The following DYNC2H1 variants were observed in gnomAD, a reference collection of about 807,000 sequenced individuals.
The protein encoded by DYNC2H1 is cytoplasmic dynein 2 heavy chain 1.
DYNC2H1 carries 410 observed loss-of-function variants against 570.0 expected under a neutral mutation model. That is an observed-to-expected ratio of 0.72 (90% CI 0.66 to 0.78). The LOEUF (loss-of-function observed/expected upper bound fraction) is 0.78, where lower values mean the gene tolerates loss of function less well. Ranked by LOEUF, DYNC2H1 falls within the 30% of genes least tolerant of loss-of-function variation. The pLI is 0.00. For synonymous variants in DYNC2H1, 1,688 were observed against 1,677.6 expected (o/e 1.01, Z -0.15); for missense variants, 4,865 against 5,046.4 (o/e 0.96, Z 1.09).
intron 79 of DYNC2H1, among the ~76,000 whole-genome samples, chr11:103,314,870 C>A (rs1937728272): frequency 6.6e-6 from 1 of 151,906 alleles, no homozygotes; most frequent in Non-Finnish European, 1.5e-5. Context: ...AAATACTGAT[C>A]TTCAAGGTAT....
intron 65 of DYNC2H1, among the ~76,000 whole-genome samples, chr11:103,251,195 G>A (rs1432391586): frequency 6.6e-6 from 1 of 151,916 alleles, no homozygotes; most frequent in Non-Finnish European, 1.5e-5. Flanking sequence ...TATTTTGAAA[G>A]CTATGTTATT....
Position 103,200,039 on chromosome 11 carries a change from T to C in DYNC2H1, c.8089-7T>C. The C allele has an allele frequency of 6.4e-7, 1 of 1,564,948 alleles. No individual in the cohort carries two copies. Among genetic ancestry groups the C allele is most frequent in the Non-Finnish European group, 8.7e-7 (1 of 1,151,790 alleles). On this transcript the variant is annotated splice_polypyrimidine_tract_variant and splice_region_variant and intron_variant, in intron 49 of 88. Transcript: ENST00000375735. ...AGGGCACTAAAAAATATTTTCTGAT[T>C]TTGCAGGTGCTGCAACTTGCAGGAA... is the stretch of plus-strand genomic sequence containing the variant.
intron 13 of DYNC2H1, among the ~76,000 whole-genome samples, chr11:103,131,652 T>C (rs1218366077): frequency 6.6e-6 from 1 of 152,204 alleles, no homozygotes; most frequent in Non-Finnish European, 1.5e-5. Flanking sequence ...TGTCTGATAA[T>C]GTTTTCTTGT....
rs1864511927 is a variant in DYNC2H1 at position 103,243,862 on chromosome 11, A to G, written c.9918+71A>G. 3.2e-6 allele frequency: 4 copies of G among 1,241,240 alleles called. No individual in the cohort carries two copies. In the East Asian group the frequency reaches 1.0e-4, roughly 32 times the overall value. The allele number at this position is 1,241,240 out of a possible 1,614,324, so 76.9% of individuals were successfully genotyped here. On this transcript the variant is annotated intron_variant, in intron 64 of 88. Transcript: ENST00000375735. The surrounding 1 kb of genome is among the most constrained non-coding windows in gnomAD (Gnocchi z 4.8). ...ATAGTGAAAAGATCTTGGAGTCTAT[A>G]ATCAGAAAACATAGATTCAACACTG...
intron 68 of DYNC2H1, among the ~76,000 whole-genome samples, chr11:103,257,235 A>G (rs905271572): frequency 1.3e-5 from 2 of 152,146 alleles, no homozygotes; most frequent in African/African-American, 4.8e-5. Context: ...TCTGTGAACC[A>G]GGAAACAAGC....
In DYNC2H1 at chr11:103,181,988, G is replaced by A; in HGVS notation, c.6477+102G>A. The A allele has an allele frequency of 2.3e-6, 3 of 1,324,948 alleles. No individual in the cohort carries two copies. The highest frequency in any genetic ancestry group is 2.1e-6 in the Non-Finnish European group (2 of 971,994). 82.1% of individuals were successfully genotyped at this position (1,324,948 alleles called of 1,614,324 possible). On this transcript the variant is annotated intron_variant, in intron 40 of 88. Coordinates refer to ENST00000375735, the MANE Select transcript of DYNC2H1 (RefSeq NM_001377.3). The surrounding 1 kb of genome is among the most constrained non-coding windows in gnomAD (Gnocchi z 5.0). ...GTGGTAGAACTCTGCTGGAATGTGG[G>A]TGTGAGGTGAGAGGTGGATTTTGTC...
chr11:103,385,782 C>T (rs1287488477), intron 83 of DYNC2H1, among the ~76,000 whole-genome samples: 4 of 152,172 alleles, frequency 2.6e-5, no homozygotes, highest in Non-Finnish European at 5.9e-5. Flanking sequence ...ATTTCCTAGA[C>T]ATCCCCTTTC....
chr11:103,343,631 G>A (rs926167633), intron 82 of DYNC2H1, among the ~76,000 whole-genome samples: 2 of 152,116 alleles, frequency 1.3e-5, no homozygotes, highest in Non-Finnish European at 2.9e-5. Flanking sequence ...CGAGAAGTGA[G>A]GACAAAAGGC....
chr11:103,333,021 C>T (rs1490087742), intron 82 of DYNC2H1, among the ~76,000 whole-genome samples: 1 of 138,012 alleles, frequency 7.2e-6, no homozygotes, highest in East Asian at 2.2e-4. Context: ...AAAAATCTTT[C>T]TTAAATAAAA....
At chr11:103,182,973 G>A (rs1046509109) in intron 40 of DYNC2H1, among the ~76,000 whole-genome samples, 3 of 151,872 alleles carry the variant, frequency 2.0e-5, no homozygotes, top group Non-Finnish European at 4.4e-5. Context: ...GCCTAGGAAA[G>A]GGAACACTCC....
At chr11:103,353,766 A>T (rs1338382644) in intron 82 of DYNC2H1, among the ~76,000 whole-genome samples, 1 of 152,158 alleles carries the variant, frequency 6.6e-6, no homozygotes, top group South Asian at 2.1e-4. Context: ...CATATGTTTA[A>T]CTATTAACAT....
intron 55 of DYNC2H1, among the ~76,000 whole-genome samples, chr11:103,216,340 G>A (rs1445210202): frequency 2.0e-5 from 3 of 152,154 alleles, no homozygotes; most frequent in Non-Finnish European, 1.5e-5. Context: ...TTTCAAGGGA[G>A]ATTTCTCTGA....
chr11:103,291,748 TATAG>T (rs1361394777), intron 75 of DYNC2H1, among the ~76,000 whole-genome samples: 1 of 152,220 alleles, frequency 6.6e-6, no homozygotes, highest in Admixed American at 6.5e-5. Flanking sequence ...GTGTTGGGTG[TATAG>T]ATACTTAGAA....
rs933325849 is a variant in DYNC2H1 at position 103,191,498 on chromosome 11, A to G, written c.7438-19A>G. ...ATTTAAGGCAGTAGAAAGATTGTTT[A>G]CTGTATTTTCTTTTTCAGGTGCGAG... On this transcript the variant is annotated intron_variant, in intron 45 of 88. Transcript: ENST00000375735. The G allele has an allele frequency of 3.2e-6, 5 of 1,546,780 alleles. No individual in the cohort carries two copies. Among genetic ancestry groups the G allele is most frequent in the Middle Eastern group, 1.7e-4 (1 of 5,922 alleles).
Position 103,465,529 on chromosome 11 carries a change from A to T in DYNC2H1, c.12649-3060A>T, listed in dbSNP as rs1945170610. ...AAACTAGCTCAAAACTTAGTGGCTTAGAATACCAATTTATTATTTTCTCAC... is the reference window on the plus strand; with the variant it reads ...AAACTAGCTCAAAACTTAGTGGCTTTGAATACCAATTTATTATTTTCTCAC... On this transcript the variant is annotated intron_variant, in intron 87 of 88. Transcript: ENST00000375735. The surrounding 1 kb of genome is among the most constrained non-coding windows in gnomAD (Gnocchi z 4.9). 6.6e-6 allele frequency among the ~76,000 whole-genome samples: 1 copy of T among 152,058 alleles called. No homozygotes were observed. Among genetic ancestry groups the T allele is most frequent in the Non-Finnish European group, 1.5e-5 (1 of 68,010 alleles).
At chr11:103,134,188 G>A (rs915610169) in intron 14 of DYNC2H1, 133 bp from the exon 15 acceptor site, 6 of 682,072 alleles carry the variant, frequency 8.8e-6, no homozygotes, top group Admixed American at 5.4e-5. Flanking sequence ...CATTGGTCAA[G>A]TATTGATATG....
rs768421060 is a variant in DYNC2H1, at chr11:103,435,978, A to G, written c.12402A>G (p.Pro4134=). The G allele has an allele frequency of 6.2e-7, 1 of 1,612,730 alleles. No homozygotes were observed. Among genetic ancestry groups the G allele is most frequent in the South Asian group, 1.1e-5 (1 of 91,050 alleles). Residue 4134 remains proline (P), a synonymous_variant, in exon 85 of 89, where the codon CCA becomes CCG. Coordinates refer to ENST00000375735, the MANE Select transcript of DYNC2H1 (RefSeq NM_001377.3). ...PLAWQSKWEG[P]EDPLQYLRGL... ...CATGGCAGAGCAAGTGGGAAGGCCC[A>G]GAAGATCCCTTACAATACCTGAGAG... is the stretch of plus-strand genomic sequence containing the variant.
Position 103,148,478 on chromosome 11 carries a change from G to C in DYNC2H1, c.2819-12G>C, listed in dbSNP as rs1269031606. ...TAATTAACATTTCTTGTATTTCAAT[G>C]TTACCACTCAGCTCATTTACATGAA... On this transcript the variant is annotated splice_polypyrimidine_tract_variant and intron_variant, in intron 19 of 88. Coordinates refer to ENST00000375735, the MANE Select transcript of DYNC2H1 (RefSeq NM_001377.3). The C allele has an allele frequency of 6.4e-7, 1 of 1,550,962 alleles. No homozygotes were observed. Among genetic ancestry groups the C allele is most frequent in the East Asian group, 2.4e-5 (1 of 41,610 alleles).
chr11:103,186,317 C>G lies in DYNC2H1; in HGVS notation c.6709C>G (p.Arg2237Gly), dbSNP rs763241302. The change falls in exon 42 of 89, where the codon CGA becomes GGA. Residue 2237 changes from arginine (R) to glycine (G), a missense_variant. This residue lies in a region of DYNC2H1 where 2,401 missense variants were observed against 2,454.6 expected (regional missense o/e 0.98). Coordinates refer to ENST00000375735, the MANE Select transcript of DYNC2H1 (RefSeq NM_001377.3). The surrounding 1 kb of genome is among the most constrained non-coding windows in gnomAD (Gnocchi z 4.5). The stretch of plus-strand genomic sequence containing the variant: ...TACCTACTATGACTCTACTAGGGGT[C>G]GATTAGCAACATATGTGCTTAAGAA... ...MDTYYDSTRGRLATYVLKKPE... is the reference protein window; with the variant it reads ...MDTYYDSTRGGLATYVLKKPE... 8.7e-6 allele frequency: 14 copies of G among 1,612,518 alleles called. No homozygotes were observed. The highest frequency in any genetic ancestry group is 1.1e-5 in the Non-Finnish European group (13 of 1,179,106).
Sources: gnomAD v4.1 joint callset for allele counts (sites outside exome capture counted in the v4.1 genomes callset) on GRCh38, gnomAD v4.1.1 for gene constraint, gnomAD v4.1.1 regional missense constraint, Gnocchi (gnomAD v3.1) non-coding constraint, MANE v1.5 for transcripts, NCBI Gene and HGNC (gene_info 2026-07-23, HGNC 2026-07-21) for gene names.